The following CNP variants were observed in gnomAD, a reference collection of about 807,000 sequenced individuals.
The protein encoded by CNP is 2',3'-cyclic nucleotide 3' phosphodiesterase.
In CNP, 8 loss-of-function variants were observed where a neutral mutation model predicts 37.9. That is an observed-to-expected ratio of 0.21 (90% CI 0.12 to 0.38). CNP has a LOEUF of 0.38. Among genes scored for constraint, CNP ranks in the 10% least tolerant of loss-of-function variants. The pLI is 1.00. For missense variants in CNP, 457 were observed against 551.0 expected, an observed-to-expected ratio of 0.83 and a Z score of 1.71; for synonymous variants, 237 against 238.3, an observed-to-expected ratio of 0.99 and a Z score of 0.05.
rs1223545034 is a variant in CNP at position 41,975,745 on chromosome 17, AC to A, written c.*1823del. 1 of 152,154 alleles carries A rather than the reference AC, an allele frequency of 6.6e-6. No homozygotes were observed. The highest frequency in any genetic ancestry group is 1.9e-4 in the East Asian group (1 of 5,178). 9.4% of individuals were successfully genotyped at this position (152,154 alleles called of 1,614,324 possible). The stretch of plus-strand genomic sequence containing the variant: ...CTCAGATGAAGAGAAATCCTAAGTT[AC>A]CTTTCTAGGTCAAGGCCTGTCCCTG... On this transcript the variant is annotated 3_prime_UTR_variant, in exon 4 of 4. Transcript: ENST00000393892.
rs201235400 is a variant in CNP, at chr17:41,972,069, G to A, written c.816+38G>A. The A allele has an allele frequency of 1.0e-4, 168 of 1,607,482 alleles. 2 individuals are homozygous for A. The East Asian group carries it at 3.6e-3, about 34-fold the overall frequency. On this transcript the variant is annotated intron_variant, in intron 3 of 3. Coordinates refer to ENST00000393892, the MANE Select transcript of CNP (RefSeq NM_033133.5). ...CAGGGACACATGGGGGAGGTGGGAG[G>A]TTGGGGGAGAAGGGGCTGCAGCATC...
Position 41,975,795 on chromosome 17 carries a change from G to A in CNP, c.*1871G>A, listed in dbSNP as rs1555644657. 1 of 152,376 alleles carries A rather than the reference G, an allele frequency of 6.6e-6. No homozygotes were observed. The highest frequency in any genetic ancestry group is 6.5e-5 in the Admixed American group (1 of 15,304). 9.4% of individuals were successfully genotyped at this position (152,376 alleles called of 1,614,324 possible). A position where few individuals can be genotyped will look rare whatever the true frequency, so the allele number is the denominator to read the frequency against. ...TGGCCATCTCTGAACTTCAGCTAGAGCTTCAAGTCTGTGCCTGGAGCTCCT... is the reference window on the plus strand; with the variant it reads ...TGGCCATCTCTGAACTTCAGCTAGAACTTCAAGTCTGTGCCTGGAGCTCCT... On this transcript the variant is annotated 3_prime_UTR_variant, in exon 4 of 4. Transcript: ENST00000393892.
At chr17:41,971,445 C>CTGGA (rs2144565339) in intron 2 of CNP, 1 of 148,208 alleles carries the variant, frequency 6.7e-6, no homozygotes, top group East Asian at 2.0e-4. Context: ...GTTGCCTAGG[C>CTGGA]TGGAGTGCAG....
At position 41,976,839 on chromosome 17, in the gene CNP, T is replaced by C; in HGVS notation, c.*2915T>C. ...AAGGAAGATCACTTTGCTCTGATTA[T>C]GGAAAAGTCTTCAAGGGCTGCTTCA... On this transcript the variant is annotated 3_prime_UTR_variant, in exon 4 of 4. Coordinates refer to ENST00000393892, the MANE Select transcript of CNP (RefSeq NM_033133.5). The C allele has an allele frequency of 2.5e-6, 4 of 1,572,146 alleles. No individual in the cohort carries two copies. Among genetic ancestry groups the C allele is most frequent in the South Asian group, 1.2e-5 (1 of 86,214 alleles).
chr17:41,973,988 A>T lies in CNP; in HGVS notation c.*64A>T. The T allele has an allele frequency of 4.7e-5, 50 of 1,073,324 alleles. No individual in the cohort carries two copies. The highest frequency in any genetic ancestry group is 5.5e-5 in the Non-Finnish European group (44 of 802,706). The allele number at this position is 1,073,324 out of a possible 1,614,324, so 66.5% of individuals were successfully genotyped here. ...GAGAGGGAAACGTGCCCTCTGTTTG[A>T]TCCTTGTTTTGTGACATTTTTTTTT... On this transcript the variant is annotated 3_prime_UTR_variant, in exon 4 of 4. Coordinates refer to ENST00000393892, the MANE Select transcript of CNP (RefSeq NM_033133.5).
rs1481039262 is a variant in CNP, at chr17:41,974,423, C to G, written c.*499C>G. 2 of 152,222 alleles carry G rather than the reference C, an allele frequency of 1.3e-5. No individual in the cohort carries two copies. Among genetic ancestry groups the G allele is most frequent in the African/African-American group, 2.4e-5 (1 of 40,958 alleles). The allele number at this position is 152,222 out of a possible 1,614,324, so 9.4% of individuals were successfully genotyped here. ...GACCTCTGGGCTTTGATTCCATCTCCTTGTCTTTTTTCTTTGTTTTTAGAG... is the reference window on the plus strand; with the variant it reads ...GACCTCTGGGCTTTGATTCCATCTCGTTGTCTTTTTTCTTTGTTTTTAGAG... On this transcript the variant is annotated 3_prime_UTR_variant, in exon 4 of 4. Transcript: ENST00000393892.
In CNP at chr17:41,968,874, A is replaced by T; in HGVS notation, c.676+134A>T. 9.1e-7 allele frequency: 1 copy of T among 1,092,928 alleles called. No homozygotes were observed. The highest frequency in any genetic ancestry group is 1.6e-5 in the African/African-American group (1 of 62,802). The allele number at this position is 1,092,928 out of a possible 1,614,324, so 67.7% of individuals were successfully genotyped here. ...GAGAGAGGCTCACCTCAGCGGGGGC[A>T]GGGGCAAGCGGTGCGTCCCAGTGGT... On this transcript the variant is annotated intron_variant, in intron 2 of 3. Transcript: ENST00000393892. The surrounding 1 kb of genome is among the most constrained non-coding windows in gnomAD (Gnocchi z 4.8).
At chr17:41,972,073 G>C in intron 3 of CNP, 42 bp downstream of exon 3, 1 of 1,606,000 alleles carries the variant, frequency 6.2e-7, no homozygotes. Context: ...TGGGAGGTTG[G>C]GGGAGAAGGG....
In CNP at chr17:41,977,094, C is replaced by T; in HGVS notation, c.*3170C>T. The T allele has an allele frequency of 1.3e-6, 1 of 750,964 alleles. No individual in the cohort carries two copies. The highest frequency in any genetic ancestry group is 2.2e-6 in the Non-Finnish European group (1 of 462,936). The allele number at this position is 750,964 out of a possible 1,614,324, so 46.5% of individuals were successfully genotyped here. On this transcript the variant is annotated 3_prime_UTR_variant, in exon 4 of 4. Coordinates refer to ENST00000393892, the MANE Select transcript of CNP (RefSeq NM_033133.5). Reference sequence around the variant, plus strand: ...CCCAAGGCAAGGGGTGCCTGGGAACCTTCCTGTCTTCATCCTTAGCAACAG... The same window carrying T: ...CCCAAGGCAAGGGGTGCCTGGGAACTTTCCTGTCTTCATCCTTAGCAACAG...
intron 2 of CNP, chr17:41,971,589 G>A (rs556068834): frequency 1.7e-4 from 37 of 213,412 alleles, no homozygotes; most frequent in Admixed American, 1.7e-3. Flanking sequence ...TAGTAGAGAC[G>A]GGGTTTCACC....
rs1555644256 is a variant in CNP at position 41,973,837 on chromosome 17, C to T, written c.1179C>T (p.Ile393=). ...TLAKNMEVRA[I]FTGYYGKGKP... ...CCAAGAACATGGAGGTCAGGGCCAT[C>T]TTCACGGGGTACTACGGGAAAGGCA... Residue 393 remains isoleucine, a synonymous_variant, in exon 4 of 4, where the codon ATC becomes ATT. Coordinates refer to ENST00000393892, the MANE Select transcript of CNP (RefSeq NM_033133.5). 3.1e-6 allele frequency: 5 copies of T among 1,608,848 alleles called. No homozygotes were observed. Among genetic ancestry groups the T allele is most frequent in the African/African-American group, 1.3e-5 (1 of 74,824 alleles).
Position 41,968,708 on chromosome 17 carries a change from A to G in CNP, c.644A>G (p.Asn215Ser). 6.2e-7 allele frequency: 1 copy of G among 1,612,408 alleles called. No individual in the cohort carries two copies. The highest frequency in any genetic ancestry group is 8.5e-7 in the Non-Finnish European group (1 of 1,178,826). Residue 215 changes from asparagine to serine, a missense_variant, in exon 2 of 4, where the codon AAC (asparagine) becomes AGC (serine). Coordinates refer to ENST00000393892, the MANE Select transcript of CNP (RefSeq NM_033133.5). The surrounding 1 kb of genome is among the most constrained non-coding windows in gnomAD (Gnocchi z 4.8). ...AGQVFLEELG[N>S]HKAFKKELRQ... ...CAGGTCTTCCTGGAAGAGCTGGGGA[A>G]CCACAAGGCCTTCAAGAAGGAGCTG...
intron 3 of CNP, among the ~76,000 whole-genome samples, chr17:41,972,698 C>T (rs1166797563): frequency 2.0e-5 from 3 of 152,244 alleles, no homozygotes; most frequent in Middle Eastern, 3.4e-3. Context: ...CCCCTGAGGG[C>T]GAGTTTTTAA....
At position 41,973,983 on chromosome 17, in the gene CNP, G is replaced by T. The variant is rs2051035044; in HGVS notation, c.*59G>T. ...AAGGGGAGAGGGAAACGTGCCCTCT[G>T]TTTGATCCTTGTTTTGTGACATTTT... On this transcript the variant is annotated 3_prime_UTR_variant, in exon 4 of 4. Coordinates refer to ENST00000393892, the MANE Select transcript of CNP (RefSeq NM_033133.5). 9.1e-5 allele frequency: 96 copies of T among 1,055,340 alleles called. No homozygotes were observed. The highest frequency in any genetic ancestry group is 6.2e-4 in the Middle Eastern group (2 of 3,250). 65.4% of individuals were successfully genotyped at this position (1,055,340 alleles called of 1,614,324 possible). A position where few individuals can be genotyped will look rare whatever the true frequency, so the allele number is the denominator to read the frequency against.
In CNP at chr17:41,966,862, CGACGGTGGCGCCCCTCCTCA is replaced by C; in HGVS notation, c.-22_-3del. On this transcript the variant is annotated 5_prime_UTR_variant, in exon 1 of 4. Transcript: ENST00000393892. ...GGAGCGCTGGTGCCGGCAGAGGCGG[CGACGGTGGCGCCCCTCCTCA>C]TCATGGTGAGAGGCCGGGCGGGGCC... The C allele has an allele frequency of 7.3e-7, 1 of 1,362,444 alleles. No individual in the cohort carries two copies. Among genetic ancestry groups the C allele is most frequent in the East Asian group, 3.1e-5 (1 of 32,492 alleles). The allele number at this position is 1,362,444 out of a possible 1,614,324, so 84.4% of individuals were successfully genotyped here. A position where few individuals can be genotyped will look rare whatever the true frequency, so the allele number is the denominator to read the frequency against.
At position 41,966,799 on chromosome 17, in the gene CNP, C is replaced by CG. The variant is rs1288574372; in HGVS notation, c.-86_-85insG. ...CGGCCGGGCTCGGGTCGTGCCACCG[C>CG]TGGACTCCCGTGTCCCTCCGCGCAG... On this transcript the variant is annotated 5_prime_UTR_variant, in exon 1 of 4. Coordinates refer to ENST00000393892, the MANE Select transcript of CNP (RefSeq NM_033133.5). 1.2e-4 allele frequency: 168 copies of CG among 1,352,790 alleles called. No homozygotes were observed. The highest frequency in any genetic ancestry group is 1.2e-3 in the Admixed American group (33 of 28,248). 83.8% of individuals were successfully genotyped at this position (1,352,790 alleles called of 1,614,324 possible).
Position 41,968,691 on chromosome 17 carries a change from C to A in CNP, c.627C>A (p.Phe209Leu). Residue 209 changes from phenylalanine (F) to leucine (L), a missense_variant, in exon 2 of 4, where the codon TTC (phenylalanine) becomes TTA (leucine). Phe to Leu is a conservative substitution (Grantham distance 22). Transcript: ENST00000393892. The surrounding 1 kb of genome is among the most constrained non-coding windows in gnomAD (Gnocchi z 4.8). The stretch of plus-strand genomic sequence containing the variant: ...CCCTCCGCAAAGCCGGCCAGGTCTT[C>A]CTGGAAGAGCTGGGGAACCACAAGG... ...SETLRKAGQV[F>L]LEELGNHKAF... The A allele has an allele frequency of 6.2e-7, 1 of 1,613,736 alleles. No homozygotes were observed. Among genetic ancestry groups the A allele is most frequent in the Non-Finnish European group, 8.5e-7 (1 of 1,179,796 alleles).
At chr17:41,972,246 C>T (rs1464270578) in intron 3 of CNP, among the ~76,000 whole-genome samples, 1 of 152,002 alleles carries the variant, frequency 6.6e-6, no homozygotes, top group Non-Finnish European at 1.5e-5. Context: ...GGCAGTACTG[C>T]CAGCCTGTGC....
intron 1 of CNP, chr17:41,967,557 C>A (rs868986450): frequency 8.0e-6 from 5 of 621,170 alleles, no homozygotes; most frequent in African/African-American, 2.0e-5. Context: ...CTGCCCTGCC[C>A]CCCACCAGCC....
Sources: gnomAD v4.1 joint callset for allele counts (sites outside exome capture counted in the v4.1 genomes callset) on GRCh38, gnomAD v4.1.1 for gene constraint, Gnocchi (gnomAD v3.1) non-coding constraint, MANE v1.5 for transcripts, NCBI Gene and HGNC (gene_info 2026-07-23, HGNC 2026-07-21) for gene names.